Variants in GRB14 observed in about 807,000 individuals in gnomAD.
The protein encoded by GRB14 is growth factor receptor bound protein 14.
In GRB14, 38 loss-of-function variants were observed where a neutral mutation model predicts 69.1. The observed-to-expected ratio is 0.55, with a 90% CI of 0.42 to 0.72. The LOEUF is 0.72. GRB14 is among the 30% of genes least tolerant of loss of function. The pLI is 0.00. For missense variants in GRB14, 666 were observed against 666.1 expected (o/e 1.00, Z 0.00); for synonymous variants, 247 against 241.3 (o/e 1.02, Z -0.22).
intron 6 of GRB14, among the ~76,000 whole-genome samples, chr2:164,509,201 C>T (rs1488490543): frequency 2.0e-5 from 3 of 152,164 alleles, no homozygotes; most frequent in Non-Finnish European, 4.4e-5. Flanking sequence ...ATTCCTCATC[C>T]AGCTTTCAAA....
chr2:164,617,590 C>CCAACA (rs1690328383), intron 2 of GRB14, among the ~76,000 whole-genome samples: 1 of 152,030 alleles, frequency 6.6e-6, no homozygotes, highest in Non-Finnish European at 1.5e-5. Flanking sequence ...CATAAGCATA[C>CCAACA]CAACACCTCT....
At chr2:164,522,642 G>A (rs1376442860) in intron 5 of GRB14, among the ~76,000 whole-genome samples, 2 of 152,094 alleles carry the variant, frequency 1.3e-5, no homozygotes, top group African/African-American at 4.8e-5. Context: ...GTTGAGCCAA[G>A]TTCACCTCCT....
Position 164,526,994 on chromosome 2 carries a change from T to G in GRB14, c.603+20A>C, listed in dbSNP as rs759457179. 1.3e-6 allele frequency: 2 copies of G among 1,539,946 alleles called. No individual in the cohort carries two copies. The highest frequency in any genetic ancestry group is 2.4e-5 in the South Asian group (2 of 84,692). On this transcript the variant is annotated intron_variant, in intron 4 of 13. Transcript: ENST00000263915. ...CGGGTTCATTTATTTTCCGTAACTA[T>G]TAGGAGGGATTTCACTTACCATTGG...
intron 1 of GRB14, among the ~76,000 whole-genome samples, chr2:164,620,239 A>C (rs1230376959): frequency 1.3e-5 from 2 of 152,216 alleles, no homozygotes; most frequent in African/African-American, 4.8e-5. Context: ...TGATATTGAC[A>C]GTCTCTAAGT....
In GRB14 at chr2:164,507,993, T is replaced by C. The variant is rs960535561; in HGVS notation, c.1023+462A>G. Among the ~76,000 whole-genome samples, 33 of 152,176 alleles carry C rather than the reference T, an allele frequency of 2.2e-4. 1 individual carries two copies. On this transcript the variant is annotated intron_variant, in intron 8 of 13. Transcript: ENST00000263915. ...TTTAAAAAATATATTCATAGTAAAA[T>C]TGTACAATAATTTGAGTCATGCTTA...
At chr2:164,574,563 A>T (rs968390565) in intron 2 of GRB14, among the ~76,000 whole-genome samples, 3 of 152,156 alleles carry the variant, frequency 2.0e-5, no homozygotes, top group Non-Finnish European at 4.4e-5. Context: ...TTTAAGAAAC[A>T]TTAGACAGAA....
rs1574308231 is a variant in GRB14 at position 164,559,290 on chromosome 2, CTTATT to C, written c.325-11479_325-11475del. On this transcript the variant is annotated intron_variant, in intron 2 of 13. Coordinates refer to ENST00000263915, the MANE Select transcript of GRB14 (RefSeq NM_004490.3). ...TCTAAATATTTATTTATTTACTTTT[CTTATT>C]TTATTTTATTTTTCCATGAGTTATT... is the stretch of plus-strand genomic sequence containing the variant. 4.6e-5 allele frequency among the ~76,000 whole-genome samples: 7 copies of C among 151,866 alleles called. No individual in the cohort carries two copies. The South Asian group carries it at 8.3e-4, about 18-fold the overall frequency.
At chr2:164,574,656 A>G (rs899144454) in intron 2 of GRB14, among the ~76,000 whole-genome samples, 8 of 152,096 alleles carry the variant, frequency 5.3e-5, no homozygotes, top group Non-Finnish European at 1.5e-5. Flanking sequence ...AAACTTATTG[A>G]TCGTTAGGCA....
At chr2:164,516,205 A>C (rs1049471985) in intron 6 of GRB14, among the ~76,000 whole-genome samples, 1 of 152,264 alleles carries the variant, frequency 6.6e-6, no homozygotes, top group African/African-American at 2.4e-5. Context: ...AAATACAAGA[A>C]GCTCAAAGAA....
At chr2:164,562,535 T>C (rs891222655) in intron 2 of GRB14, among the ~76,000 whole-genome samples, 2 of 152,206 alleles carry the variant, frequency 1.3e-5, no homozygotes, top group Non-Finnish European at 2.9e-5. Flanking sequence ...AATCTTTGGA[T>C]AACCACTTTA....
At chr2:164,558,594 T>C (rs539313475) in intron 2 of GRB14, among the ~76,000 whole-genome samples, 81 of 152,234 alleles carry the variant, frequency 5.3e-4, no homozygotes, top group Non-Finnish European at 1.0e-3. Flanking sequence ...CCAGGGCTAA[T>C]TCATCTTTGA....
intron 2 of GRB14, among the ~76,000 whole-genome samples, chr2:164,559,303 AT>A (rs1688761028): frequency 6.6e-6 from 1 of 151,396 alleles, no homozygotes; most frequent in Admixed American, 6.6e-5. Context: ...ATTTTATTTT[AT>A]TTTTCCATGA....
rs1191920956 is a variant in GRB14, at chr2:164,497,022, T to G, written c.1368A>C (p.Gln456His). 1 of 1,613,808 alleles carries G rather than the reference T, an allele frequency of 6.2e-7. No individual in the cohort carries two copies. The highest frequency in any genetic ancestry group is 8.5e-7 in the Non-Finnish European group (1 of 1,179,768). ...RDEAQRLIIQ[Q>H]GLVDGVFLVR... ...ACCAAACTTACCCATCCACAAGTCC[T>G]TGCTGAATAATCAATCGCTGAGCCT... The change falls in exon 12 of 14, where the codon CAA becomes CAC. Residue 456 changes from glutamine to histidine, a missense_variant. Transcript: ENST00000263915.
intron 6 of GRB14, among the ~76,000 whole-genome samples, chr2:164,519,229 A>G (rs976315768): frequency 6.6e-6 from 1 of 152,214 alleles, no homozygotes; most frequent in African/African-American, 2.4e-5. Flanking sequence ...ATGCAAGTCA[A>G]TAAATGTGAT....
At chr2:164,591,326 T>G (rs1055325178) in intron 2 of GRB14, among the ~76,000 whole-genome samples, 15 of 152,124 alleles carry the variant, frequency 9.9e-5, no homozygotes, top group African/African-American at 3.6e-4. Flanking sequence ...TAAAAGTGTT[T>G]ACTGAGTGAC....
intron 2 of GRB14, chr2:164,573,781 C>A (rs1459633756): frequency 1.2e-6 from 2 of 1,612,028 alleles, no homozygotes; most frequent in Admixed American, 3.3e-5. Context: ...GTCGCATCCA[C>A]CAGTGTATCA....
intron 4 of GRB14, among the ~76,000 whole-genome samples, chr2:164,526,754 T>G (rs2105288057): frequency 6.6e-6 from 1 of 152,100 alleles, no homozygotes; most frequent in Non-Finnish European, 1.5e-5. Context: ...TACTTTTAAA[T>G]TAAATAAACC....
chr2:164,524,705 T>A (rs1056278642), intron 5 of GRB14, among the ~76,000 whole-genome samples: 7 of 152,094 alleles, frequency 4.6e-5, no homozygotes, highest in Admixed American at 1.3e-4. Context: ...AAGACTAACA[T>A]AATATTTACA....
chr2:164,492,803 A>T lies in GRB14; in HGVS notation c.*233T>A. ...ATAGCAATGTAAAAATCACACAAGA[A>T]CACACCAAGTCATTTTTTTCCTAAG... On this transcript the variant is annotated 3_prime_UTR_variant, in exon 14 of 14. Coordinates refer to ENST00000263915, the MANE Select transcript of GRB14 (RefSeq NM_004490.3). 2.5e-6 allele frequency: 1 copy of T among 395,222 alleles called. No homozygotes were observed. The allele number at this position is 395,222 out of a possible 1,614,324, so 24.5% of individuals were successfully genotyped here.
Sources: allele counts gnomAD v4.1 joint callset (sites outside exome capture counted in the v4.1 genomes callset), GRCh38; gene constraint gnomAD v4.1.1; transcripts MANE v1.5; gene names NCBI Gene and HGNC (gene_info 2026-07-23, HGNC 2026-07-21).